SPATC1: variants seen among roughly 807,000 people sequenced by gnomAD.
SPATC1 encodes speriolin.
In SPATC1, 35 loss-of-function variants were observed where a neutral mutation model predicts 36.5. The observed-to-expected ratio is 0.96, with a 90% CI of 0.73 to 1.27. The LOEUF is 1.27. Ranked by LOEUF, SPATC1 falls within the 50% of genes most tolerant of loss-of-function variation. The pLI is 0.00. For missense variants in SPATC1, 779 were observed against 796.0 expected, an observed-to-expected ratio of 0.98 and a Z score of 0.26; for synonymous variants, 361 against 353.6, an observed-to-expected ratio of 1.02 and a Z score of -0.24.
chr8:144,019,370 G>A (rs1834458128), intron 1 of SPATC1, among the ~76,000 whole-genome samples: 1 of 152,232 alleles, frequency 6.6e-6, no homozygotes, highest in African/African-American at 2.4e-5. Context: ...TCAGAGACCA[G>A]GTGGCCAGAG....
At chr8:144,037,626 A>G (rs1322064984) in intron 1 of SPATC1, among the ~76,000 whole-genome samples, 2 of 151,974 alleles carry the variant, frequency 1.3e-5, no homozygotes, top group African/African-American at 4.8e-5. Context: ...GTTAAGAGTC[A>G]TCACCACTCC....
rs968539365 is a variant in SPATC1 at position 144,045,809 on chromosome 8, C to A, written c.1447-818C>A. 6.6e-6 allele frequency among the ~76,000 whole-genome samples: 1 copy of A among 152,236 alleles called. No individual in the cohort carries two copies. Among genetic ancestry groups the A allele is most frequent in the Admixed American group, 6.5e-5 (1 of 15,290 alleles). Reference sequence around the variant, plus strand: ...TAGAACTTCAGGATGGTGCCAACAGCGCATTGAGCTGGGCACTGGGCTTCC... The same window carrying A: ...TAGAACTTCAGGATGGTGCCAACAGAGCATTGAGCTGGGCACTGGGCTTCC... On this transcript the variant is annotated intron_variant, in intron 4 of 4. Coordinates refer to ENST00000377470, the MANE Select transcript of SPATC1 (RefSeq NM_198572.3). This position sits in a 1 kb window ranked among gnomAD's most constrained non-coding sequence, Gnocchi z 5.2.
chr8:144,035,379 T>G (rs968175168), intron 1 of SPATC1, among the ~76,000 whole-genome samples: 2 of 152,252 alleles, frequency 1.3e-5, no homozygotes, highest in Non-Finnish European at 2.9e-5. Flanking sequence ...ACCCTCTCAG[T>G]GTGCAGCAGC....
Position 144,012,826 on chromosome 8 carries a change from T to C in SPATC1, c.211+100T>C, listed in dbSNP as rs1834307287. 6 of 1,267,042 alleles carry C rather than the reference T, an allele frequency of 4.7e-6. No homozygotes were observed. The Admixed American group carries it at 1.0e-4, about 22-fold the overall frequency. The allele number at this position is 1,267,042 out of a possible 1,614,324, so 78.5% of individuals were successfully genotyped here. On this transcript the variant is annotated intron_variant, in intron 1 of 4. Transcript: ENST00000377470. ...AGGTCTCAGGAGGTCATGGAGGGAG[T>C]GCCCTTCTCCTTGCCCTCTCTGCTC... is the stretch of plus-strand genomic sequence containing the variant.
Position 144,041,226 on chromosome 8 carries a change from C to T in SPATC1, c.1307-6C>T, listed in dbSNP as rs1403810275. 1.2e-6 allele frequency: 2 copies of T among 1,613,040 alleles called. No homozygotes were observed. The highest frequency in any genetic ancestry group is 1.7e-6 in the Non-Finnish European group (2 of 1,179,932). Reference sequence around the variant, plus strand: ...CACCTGGGCTGACGAGACCCTGTGTCCCCAGAGTCGAAGCAGCTGGCCTGG... The same window carrying T: ...CACCTGGGCTGACGAGACCCTGTGTTCCCAGAGTCGAAGCAGCTGGCCTGG... On this transcript the variant is annotated splice_polypyrimidine_tract_variant and splice_region_variant and intron_variant, in intron 3 of 4. Coordinates refer to ENST00000377470, the MANE Select transcript of SPATC1 (RefSeq NM_198572.3).
intron 1 of SPATC1, 114 bp from the exon 2 acceptor site, chr8:144,039,795 G>T (rs150818969): frequency 8.7e-7 from 1 of 1,148,246 alleles, no homozygotes; most frequent in Non-Finnish European, 1.3e-6. Context: ...TCAGCTCATC[G>T]GGGACAGATG....
In SPATC1 at chr8:144,040,317, CA is replaced by C; in HGVS notation, c.621del (p.Val209SerfsTer10). 1 of 1,612,772 alleles carries C rather than the reference CA, an allele frequency of 6.2e-7. No homozygotes were observed. The highest frequency in any genetic ancestry group is 1.7e-4 in the Middle Eastern group (1 of 6,060). ...SPLLSSTATP[P>X]GVSQNLLANP... is the part of the protein sequence containing the mutation. ...CTCCTCAGCTCCACTGCCACCCCACCAGGGGTCTCTCAGAACCTGCTGGCCA... is the reference window on the plus strand; with the variant it reads ...CTCCTCAGCTCCACTGCCACCCCACCGGGGTCTCTCAGAACCTGCTGGCCA... On this transcript the variant is annotated frameshift_variant, in exon 2 of 5. Coordinates refer to ENST00000377470, the MANE Select transcript of SPATC1 (RefSeq NM_198572.3). LOFTEE classifies it high-confidence loss of function.
intron 1 of SPATC1, among the ~76,000 whole-genome samples, chr8:144,014,260 G>GGAAA (rs550350909): frequency 6.3e-4 from 86 of 136,962 alleles, no homozygotes; most frequent in African/African-American, 2.3e-3. Context: ...AGAAAAAGAA[G>GGAAA]GAAAGAAAGA....
At chr8:144,038,382 G>A (rs1214963347) in intron 1 of SPATC1, among the ~76,000 whole-genome samples, 19 of 148,034 alleles carry the variant, frequency 1.3e-4, no homozygotes, top group Admixed American at 8.7e-4. Flanking sequence ...GCAGTGAGCC[G>A]AGATTGTGCC....
chr8:144,041,368 C>T lies in SPATC1; in HGVS notation c.1443C>T (p.Ile481=), dbSNP rs782796535. 6.2e-7 allele frequency: 1 copy of T among 1,608,398 alleles called. No individual in the cohort carries two copies. ...TCTCCAACATCCCAGAGAAGATCAT[C>T]CAGGTGTGCGGCCAGGGGTCCTGCA... ...FTVSNIPEKI[I]QASLNPSDHK... is the part of the protein sequence containing the mutation. Residue 481 remains isoleucine (I), a synonymous_variant, in exon 4 of 5, where the codon ATC becomes ATT. Transcript: ENST00000377470.
At chr8:144,042,284 A>AACATATATATATAT (rs1475095587) in intron 4 of SPATC1, among the ~76,000 whole-genome samples, 1 of 36,298 alleles carries the variant, frequency 2.8e-5, no homozygotes, top group African/African-American at 1.6e-4. Flanking sequence ...ACGCCCAGCT[A>AACATATATATATAT]ATATATATAT....
chr8:144,012,505 T>A lies in SPATC1; in HGVS notation c.-11T>A. The A allele has an allele frequency of 6.4e-7, 1 of 1,551,516 alleles. No homozygotes were observed. Among genetic ancestry groups the A allele is most frequent in the South Asian group, 1.2e-5 (1 of 84,060 alleles). On this transcript the variant is annotated 5_prime_UTR_variant, in exon 1 of 5. Transcript: ENST00000377470. ...CTCCCGTGGGCCGCACCCTTGCCAC[T>A]GCCCCAGGGCATGTCTCTACTCACC...
chr8:144,022,977 C>T (rs969868575), intron 1 of SPATC1, among the ~76,000 whole-genome samples: 3 of 146,256 alleles, frequency 2.1e-5, no homozygotes, highest in Non-Finnish European at 4.5e-5. Flanking sequence ...CCTATTCCCT[C>T]AGGACCCTCT....
At chr8:144,029,954 G>A (rs1834761314) in intron 1 of SPATC1, among the ~76,000 whole-genome samples, 1 of 152,058 alleles carries the variant, frequency 6.6e-6, no homozygotes, top group Admixed American at 6.5e-5. Context: ...GTCCATTTCT[G>A]CTTTATATAT....
At chr8:144,041,135 G>T (rs782050648) in intron 3 of SPATC1, 28 bp downstream of exon 3, 1 of 1,583,644 alleles carries the variant, frequency 6.3e-7, no homozygotes. Context: ...CTCCACGCGG[G>T]TCGGGCCCCC....
At chr8:144,011,187 C>T (rs182094857), upstream of SPATC1, among the ~76,000 whole-genome samples, 170 of 152,224 alleles carry the variant, frequency 1.1e-3, no homozygotes, top group Non-Finnish European at 2.0e-3. The surrounding 1 kb of genome is among the most constrained non-coding windows in gnomAD (Gnocchi z 4.5). Flanking sequence ...AAGAGGCTAA[C>T]AGTGAAATAA....
intron 1 of SPATC1, among the ~76,000 whole-genome samples, chr8:144,020,419 T>C (rs1179677366): frequency 6.8e-6 from 1 of 146,010 alleles, no homozygotes. Flanking sequence ...CTCAGTGCCC[T>C]CTCCCCTCAG....
chr8:144,039,850 C>T, intron 1 of SPATC1, 59 bp from the exon 2 acceptor site: 1 of 1,552,082 alleles, frequency 6.4e-7, no homozygotes, highest in Non-Finnish European at 8.8e-7. Flanking sequence ...CCTGTGACCA[C>T]CCTCGCCGTG....
chr8:144,026,081 A>C (rs1266192385), intron 1 of SPATC1, among the ~76,000 whole-genome samples: 1 of 151,928 alleles, frequency 6.6e-6, no homozygotes, highest in East Asian at 1.9e-4. Flanking sequence ...TTTAGCTATC[A>C]CACCCCTACC....
Sources: gnomAD v4.1 joint callset for allele counts (sites outside exome capture counted in the v4.1 genomes callset) on GRCh38, gnomAD v4.1.1 for gene constraint, Gnocchi (gnomAD v3.1) non-coding constraint, MANE v1.5 for transcripts, NCBI Gene and HGNC (gene_info 2026-07-23, HGNC 2026-07-21) for gene names.